The following DNAJC16 variants were observed in gnomAD, a reference collection of about 807,000 sequenced individuals.
DNAJC16 encodes the protein DnaJ heat shock protein family (Hsp40) member C16.
DNAJC16 carries 76 observed loss-of-function variants against 92.7 expected under a neutral mutation model. The ratio of observed to expected loss-of-function variants is 0.82; its 90% CI spans 0.68 to 0.99. DNAJC16 has a LOEUF of 0.99. Among genes scored for constraint, DNAJC16 ranks in the 50% least tolerant of loss-of-function variants. DNAJC16 has a pLI of 0.00. For synonymous variants in DNAJC16, 328 were observed against 358.7 expected (o/e 0.91, Z 0.97); for missense variants, 869 against 942.4 (o/e 0.92, Z 1.02).
chr1:15,534,379 T>G, intron 3 of DNAJC16, 76 bp downstream of exon 3: 3 of 1,494,204 alleles, frequency 2.0e-6, no homozygotes, highest in Middle Eastern at 1.7e-4. Flanking sequence ...TTTTGTAAAG[T>G]TGTCAGAAAG....
At position 15,536,726 on chromosome 1, in the gene DNAJC16, C is replaced by T; in HGVS notation, c.486C>T (p.Tyr162=). The T allele has an allele frequency of 6.2e-7, 1 of 1,614,210 alleles. No homozygotes were observed. The highest frequency in any genetic ancestry group is 8.5e-7 in the Non-Finnish European group (1 of 1,180,048). ...EVVPDSFKKP[Y]LIKITSDWCF... The stretch of plus-strand genomic sequence containing the variant: ...TTCCAGATAGCTTCAAGAAACCCTA[C>T]CTCATCAAGATCACCTCCGATTGGT... The change falls in exon 4 of 15, where the codon TAC becomes TAT. Residue 162 remains tyrosine (Y), a synonymous_variant. Transcript: ENST00000375847.
chr1:15,565,935 C>CT lies in DNAJC16; in HGVS notation c.1616dup (p.Leu540AlafsTer24). The CT allele has an allele frequency of 6.2e-7, 1 of 1,613,772 alleles. No homozygotes were observed. The highest frequency in any genetic ancestry group is 8.5e-7 in the Non-Finnish European group (1 of 1,179,980). On this transcript the variant is annotated frameshift_variant, in exon 12 of 15. Transcript: ENST00000375847. LOFTEE classifies it high-confidence loss of function. The stretch of plus-strand genomic sequence containing the variant: ...TGGTTTTAGGAGGGAAATGATGCCC[C>CT]TGCTGTCCCTGATCTTCTCTGCCCT...
intron 7 of DNAJC16, among the ~76,000 whole-genome samples, chr1:15,558,692 G>A (rs1193156893): frequency 6.6e-6 from 1 of 152,084 alleles, no homozygotes; most frequent in Non-Finnish European, 1.5e-5. Context: ...CATTTTAAAT[G>A]GAATTCTAGG....
At chr1:15,559,677 C>T in intron 8 of DNAJC16, 21 bp downstream of exon 8, 1 of 1,611,342 alleles carries the variant, frequency 6.2e-7, no homozygotes, top group Non-Finnish European at 8.5e-7. Context: ...AAGGCTTTGC[C>T]TCTGCTTGTT....
At chr1:15,532,386 T>C (rs1208938690) in intron 2 of DNAJC16, among the ~76,000 whole-genome samples, 3 of 152,182 alleles carry the variant, frequency 2.0e-5, no homozygotes, top group African/African-American at 7.2e-5. Flanking sequence ...TTCCTATGGC[T>C]GAATTTTTTT....
At chr1:15,528,458 T>C (rs1390658472) in intron 1 of DNAJC16, among the ~76,000 whole-genome samples, 1 of 151,922 alleles carries the variant, frequency 6.6e-6, no homozygotes, top group Non-Finnish European at 1.5e-5. Context: ...AAAAACACCA[T>C]ATTACTAATG....
rs57751838 is a variant in DNAJC16, at chr1:15,563,663, TAAAAAAAAAA to T, written c.1339-248_1339-239del. 6.7e-3 allele frequency among the ~76,000 whole-genome samples: 356 copies of T among 53,214 alleles called. 10 individuals carry two copies. Among genetic ancestry groups the T allele is most frequent in the African/African-American group, 0.024 (324 of 13,578 alleles). 34.9% of individuals were successfully genotyped at this position (53,214 alleles called of 152,430 possible). On this transcript the variant is annotated intron_variant, in intron 9 of 14. Coordinates refer to ENST00000375847, the MANE Select transcript of DNAJC16 (RefSeq NM_015291.4). ...TAGCATGGTGAAACCCCATCTCTAC[TAAAAAAAAAA>T]AAAAAAAAAAAAAAAAATACCAAAA...
At chr1:15,554,535 G>C (rs1300512048) in intron 7 of DNAJC16, among the ~76,000 whole-genome samples, 1 of 152,142 alleles carries the variant, frequency 6.6e-6, no homozygotes, top group Non-Finnish European at 1.5e-5. Context: ...ATTTGGAATA[G>C]TCTTGATATC....
intron 2 of DNAJC16, among the ~76,000 whole-genome samples, chr1:15,532,411 C>T (rs1447683638): frequency 6.6e-6 from 1 of 152,008 alleles, no homozygotes; most frequent in Admixed American, 6.6e-5. Context: ...ATGTTTTCAA[C>T]CTTGTGGTGT....
chr1:15,546,884 C>T lies in DNAJC16; in HGVS notation c.864+13C>T. On this transcript the variant is annotated intron_variant, in intron 6 of 14. Coordinates refer to ENST00000375847, the MANE Select transcript of DNAJC16 (RefSeq NM_015291.4). ...ACTGTTATACAAGGTACTTTCTATG[C>T]TAGGATAATGGTTTCTTTTTCTTTT... 6.6e-7 allele frequency: 1 copy of T among 1,512,072 alleles called. No homozygotes were observed. Among genetic ancestry groups the T allele is most frequent in the Non-Finnish European group, 9.0e-7 (1 of 1,114,076 alleles). 93.7% of individuals were successfully genotyped at this position (1,512,072 alleles called of 1,614,324 possible).
intron 7 of DNAJC16, among the ~76,000 whole-genome samples, chr1:15,557,656 AGTTCT>A (rs1486684942): frequency 9.9e-5 from 15 of 151,732 alleles, no homozygotes. Context: ...TGTATCTCAG[AGTTCT>A]TATAAATAGT....
rs1183196389 is a variant in DNAJC16, at chr1:15,540,321, G to A, written c.574+3507G>A. 2.8e-4 allele frequency among the ~76,000 whole-genome samples: 42 copies of A among 151,274 alleles called. 1 individual carries two copies. The highest frequency in any genetic ancestry group is 2.4e-5 in the African/African-American group (1 of 41,126). On this transcript the variant is annotated intron_variant, in intron 4 of 14. Transcript: ENST00000375847. ...GGCCTGGGCGACAGAATGAGACTCC[G>A]TCTCAAAAAAAAAAGAAAAGAAAAA... is the stretch of plus-strand genomic sequence containing the variant.
intron 7 of DNAJC16, among the ~76,000 whole-genome samples, chr1:15,556,291 A>G (rs899135013): frequency 5.3e-5 from 8 of 151,826 alleles, no homozygotes; most frequent in Non-Finnish European, 1.0e-4. Flanking sequence ...CTGGAGTGCA[A>G]TGGCCTGATC....
At chr1:15,554,413 T>C (rs1252822130) in intron 7 of DNAJC16, among the ~76,000 whole-genome samples, 1 of 152,166 alleles carries the variant, frequency 6.6e-6, no homozygotes, top group African/African-American at 2.4e-5. Flanking sequence ...TGGTTCTTCC[T>C]TGTTTCTATT....
At position 15,559,378 on chromosome 1, in the gene DNAJC16, T is replaced by G. The variant is rs187373625; in HGVS notation, c.1024-148T>G. 3.2e-5 allele frequency: 33 copies of G among 1,041,212 alleles called. No homozygotes were observed. The African/African-American group carries it at 4.3e-4, about 14-fold the overall frequency. The allele number at this position is 1,041,212 out of a possible 1,614,324, so 64.5% of individuals were successfully genotyped here. ...ATTGCTGAAATAGATCACCACATGTTTATTCGCTCAAACAGGTCTGTCTTG... is the reference window on the plus strand; with the variant it reads ...ATTGCTGAAATAGATCACCACATGTGTATTCGCTCAAACAGGTCTGTCTTG... On this transcript the variant is annotated intron_variant, in intron 7 of 14. Transcript: ENST00000375847.
chr1:15,552,924 C>A (rs1221576633), intron 7 of DNAJC16, among the ~76,000 whole-genome samples: 3 of 151,464 alleles, frequency 2.0e-5, no homozygotes, highest in Non-Finnish European at 4.4e-5. Context: ...CAAGCCACCA[C>A]ACCTGGCTAA....
chr1:15,539,399 C>T (rs540254630), intron 4 of DNAJC16, among the ~76,000 whole-genome samples: 2 of 151,854 alleles, frequency 1.3e-5, no homozygotes, highest in South Asian at 2.1e-4. Context: ...GCACCCATCA[C>T]CACGCCCGGC....
chr1:15,546,628 G>T, intron 5 of DNAJC16, 139 bp from the exon 6 acceptor site: 1 of 630,500 alleles, frequency 1.6e-6, no homozygotes. Flanking sequence ...GCCAAATGAA[G>T]ACAAAAAGAT....
chr1:15,557,272 G>A (rs1461308406), intron 7 of DNAJC16, among the ~76,000 whole-genome samples: 1 of 152,176 alleles, frequency 6.6e-6, no homozygotes, highest in Non-Finnish European at 1.5e-5. Flanking sequence ...TTGGGTTTCT[G>A]GGTTTCGCTT....
Sources: allele counts gnomAD v4.1 joint callset (sites outside exome capture counted in the v4.1 genomes callset), GRCh38; gene constraint gnomAD v4.1.1; transcripts MANE v1.5; gene names NCBI Gene and HGNC (gene_info 2026-07-23, HGNC 2026-07-21).